Variants in PCBP3 observed in about 807,000 individuals in gnomAD.
The protein encoded by PCBP3 is poly(rC) binding protein 3, also known as poly(rC)-binding protein 3.
PCBP3 carries 25 observed loss-of-function variants against 52.7 expected under a neutral mutation model. The observed-to-expected ratio is 0.47, with a 90% CI of 0.35 to 0.66. PCBP3 has a LOEUF of 0.66. Ranked by LOEUF, PCBP3 falls within the 30% of genes least tolerant of loss-of-function variation. PCBP3 has a pLI of 0.01. For synonymous variants in PCBP3, 162 were observed against 183.0 expected (o/e 0.89, Z 0.93); for missense variants, 391 against 490.3 (o/e 0.80, Z 1.91).
At chr21:45,726,459 T>C (rs976067419) in intron 2 of PCBP3, among the ~76,000 whole-genome samples, 1 of 152,064 alleles carries the variant, frequency 6.6e-6, no homozygotes, top group Non-Finnish European at 1.5e-5. Context: ...TGGGGCTTGC[T>C]CCACTCTATC....
intron 13 of PCBP3, among the ~76,000 whole-genome samples, chr21:45,923,919 GGT>G (rs2074894170): frequency 1.5e-5 from 1 of 65,578 alleles, no homozygotes; most frequent in Admixed American, 1.3e-4. Context: ...CAGTCGAGTG[GGT>G]AGAAACAGCA....
At chr21:45,938,824 G>A (rs1382509550) in intron 16 of PCBP3, among the ~76,000 whole-genome samples, 1 of 152,214 alleles carries the variant, frequency 6.6e-6, no homozygotes, top group Non-Finnish European at 1.5e-5. Context: ...GGCCTCTAAG[G>A]TGAGCAGAGT....
rs76975955 is a variant in PCBP3, at chr21:45,886,122, T to G, written c.11-10086T>G. 9.6e-3 allele frequency among the ~76,000 whole-genome samples: 620 copies of G among 64,764 alleles called. 16 individuals carry two copies. The highest frequency in any genetic ancestry group is 0.029 in the East Asian group (20 of 682). 42.5% of individuals were successfully genotyped at this position (64,764 alleles called of 152,430 possible). On this transcript the variant is annotated intron_variant, in intron 5 of 17. Coordinates refer to ENST00000681687, the MANE Select transcript of PCBP3 (RefSeq NM_001384156.1). ...GGTGTGGAGGAGGCCTCATTGCCGC[T>G]GGTACCAAGGACAGAGGACATGGTG... is the stretch of plus-strand genomic sequence containing the variant.
intron 4 of PCBP3, among the ~76,000 whole-genome samples, chr21:45,774,715 T>C (rs948396645): frequency 2.0e-5 from 3 of 152,220 alleles, no homozygotes; most frequent in Non-Finnish European, 4.4e-5. Context: ...TTGAGAGTTT[T>C]TATCATGAGG....
intron 4 of PCBP3, among the ~76,000 whole-genome samples, chr21:45,770,168 C>T (rs930984601): frequency 2.0e-5 from 3 of 152,110 alleles, no homozygotes; most frequent in African/African-American, 4.8e-5. Context: ...GCCGAAGGGG[C>T]GCCTCCTCTC....
intron 2 of PCBP3, among the ~76,000 whole-genome samples, chr21:45,680,236 C>A (rs779136290): frequency 6.6e-6 from 1 of 152,138 alleles, no homozygotes; most frequent in Non-Finnish European, 1.5e-5. Context: ...TTAGAACCAA[C>A]TTCTCTATAT....
intron 4 of PCBP3, among the ~76,000 whole-genome samples, chr21:45,819,953 G>A (rs542038047): frequency 1.1e-3 from 174 of 152,356 alleles, no homozygotes; most frequent in Non-Finnish European, 2.0e-3. Context: ...CCAGGGCCTG[G>A]CCACTCACTC....
intron 2 of PCBP3, among the ~76,000 whole-genome samples, chr21:45,670,600 G>A (rs925500149): frequency 2.0e-5 from 3 of 152,184 alleles, no homozygotes. Flanking sequence ...CGGATGAGTA[G>A]AACAAAGGCT....
chr21:45,676,236 GC>G (rs2081451818), intron 2 of PCBP3, among the ~76,000 whole-genome samples: 1 of 152,142 alleles, frequency 6.6e-6, no homozygotes, highest in Non-Finnish European at 1.5e-5. Context: ...GGAATTAACT[GC>G]CTGTGTTTGT....
intron 4 of PCBP3, among the ~76,000 whole-genome samples, chr21:45,835,358 G>C (rs892563771): frequency 1.3e-5 from 2 of 152,280 alleles, no homozygotes; most frequent in Admixed American, 6.5e-5. Flanking sequence ...TGTTGGCAGA[G>C]AGGAGTCTGG....
intron 4 of PCBP3, among the ~76,000 whole-genome samples, chr21:45,785,787 T>TG (rs2091102353): frequency 1.3e-5 from 2 of 148,450 alleles, no homozygotes; most frequent in Admixed American, 6.7e-5. Context: ...TGTTCTGTAC[T>TG]AGAAAAATTC....
intron 9 of PCBP3, 81 bp downstream of exon 9, chr21:45,901,194 C>G: frequency 2.1e-6 from 2 of 966,490 alleles, no homozygotes; most frequent in Non-Finnish European, 3.3e-6. Context: ...CTCTCCCCTA[C>G]ACCTGGACTA....
At chr21:45,679,365 C>G (rs951716905) in intron 2 of PCBP3, among the ~76,000 whole-genome samples, 5 of 152,298 alleles carry the variant, frequency 3.3e-5, no homozygotes, top group African/African-American at 1.2e-4. Flanking sequence ...AAGTGGTCCA[C>G]TCACCTCAGC....
At chr21:45,688,520 A>G (rs972067206) in intron 2 of PCBP3, among the ~76,000 whole-genome samples, 3 of 152,196 alleles carry the variant, frequency 2.0e-5, no homozygotes, top group Non-Finnish European at 4.4e-5. Flanking sequence ...ACATCAGAAG[A>G]GGAAAAAGAT....
intron 2 of PCBP3, among the ~76,000 whole-genome samples, chr21:45,715,125 A>G (rs1475240329): frequency 6.6e-6 from 1 of 152,172 alleles, no homozygotes; most frequent in African/African-American, 2.4e-5. Context: ...GCAGTTTGGT[A>G]TTGTTTTTGG....
At chr21:45,926,113 C>A (rs1603528617) in intron 13 of PCBP3, among the ~76,000 whole-genome samples, 1 of 152,256 alleles carries the variant, frequency 6.6e-6, no homozygotes, top group East Asian at 1.9e-4. Context: ...TGCAGTCATG[C>A]ACCACATGAC....
chr21:45,848,684 A>G (rs1245936204), intron 4 of PCBP3, among the ~76,000 whole-genome samples: 2 of 152,012 alleles, frequency 1.3e-5, no homozygotes, highest in African/African-American at 4.8e-5. Flanking sequence ...TTAACTGTAC[A>G]TTTGTGTTCC....
At chr21:45,775,277 G>T (rs548498595) in intron 4 of PCBP3, among the ~76,000 whole-genome samples, 1 of 150,670 alleles carries the variant, frequency 6.6e-6, no homozygotes, top group East Asian at 1.9e-4. Flanking sequence ...TTTCTTCCAG[G>T]TTTTCTAGTT....
intron 9 of PCBP3, among the ~76,000 whole-genome samples, chr21:45,906,351 G>A (rs1185981188): frequency 1.3e-5 from 2 of 151,908 alleles, no homozygotes; most frequent in Non-Finnish European, 2.9e-5. Context: ...CAGGACAGGC[G>A]TGTCACAGGG....
Sources: allele counts gnomAD v4.1 joint callset (sites outside exome capture counted in the v4.1 genomes callset), GRCh38; gene constraint gnomAD v4.1.1; transcripts MANE v1.5; gene names NCBI Gene and HGNC (gene_info 2026-07-23, HGNC 2026-07-21).